The following TPR variants were observed in gnomAD, a reference collection of about 807,000 sequenced individuals.
The protein encoded by TPR is nucleoprotein TPR.
Under a neutral mutation model 316.1 loss-of-function variants are expected in TPR, and 51 were observed. That is an observed-to-expected ratio of 0.16 (90% CI 0.13 to 0.20). TPR has a LOEUF of 0.20. TPR is among the 10% of genes least tolerant of loss of function. The pLI is 1.00. For synonymous variants in TPR, 981 were observed against 914.7 expected (o/e 1.07, Z -1.31); for missense variants, 2,272 against 2,754.8 (o/e 0.82, Z 3.92).
chr1:186,359,329 C>T (rs1659114835), intron 12 of TPR, among the ~76,000 whole-genome samples: 1 of 151,890 alleles, frequency 6.6e-6, no homozygotes, highest in Non-Finnish European at 1.5e-5. Flanking sequence ...TGAGCAATAA[C>T]AAAATAATGC....
Position 186,326,247 on chromosome 1 carries a change from T to C in TPR, c.5890-12A>G. ...TCCTCTTCATAATCCTAGTAGAAAG[T>C]TCCCCAGGCATAAATAAAAGTTTAG... On this transcript the variant is annotated splice_polypyrimidine_tract_variant and intron_variant, in intron 40 of 50. Transcript: ENST00000367478. 4 of 1,599,446 alleles carry C rather than the reference T, an allele frequency of 2.5e-6. No individual in the cohort carries two copies. Among genetic ancestry groups the C allele is most frequent in the Non-Finnish European group, 3.4e-6 (4 of 1,172,760 alleles).
rs1658569025 is a variant in TPR at position 186,343,357 on chromosome 1, T to C, written c.3719A>G (p.Asp1240Gly). ...TTTCTCCCTTTCAGCATTTAGACTATCTTGCAGTTCCTGCAGCTCTCTTTC... is the reference window on the plus strand; with the variant it reads ...TTTCTCCCTTTCAGCATTTAGACTACCTTGCAGTTCCTGCAGCTCTCTTTC... Reference protein sequence around the residue: ...LLERELQELQDSLNAEREKVQ... With the variant: ...LLERELQELQGSLNAEREKVQ... The change falls in exon 27 of 51, where the codon GAT becomes GGT. Residue 1240 changes from aspartate to glycine, a missense_variant. By Grantham distance (94) the Asp-to-Gly change is moderately conservative. This residue lies in a region of TPR where 757 missense variants were observed against 859.8 expected (regional missense o/e 0.88). Transcript: ENST00000367478. 1 of 1,613,920 alleles carries C rather than the reference T, an allele frequency of 6.2e-7. No individual in the cohort carries two copies.
rs565804115 is a variant in TPR, at chr1:186,332,333, G to T, written c.5466C>A (p.Thr1822=). The T allele has an allele frequency of 6.2e-7, 1 of 1,611,450 alleles. No individual in the cohort carries two copies. Among genetic ancestry groups the T allele is most frequent in the Admixed American group, 1.7e-5 (1 of 59,706 alleles). Residue 1822 remains threonine, a synonymous_variant, in exon 38 of 51, where the codon ACC becomes ACA. Coordinates refer to ENST00000367478, the MANE Select transcript of TPR (RefSeq NM_003292.3). ...STAVFGTVSA[T]PSSSLPKRTR... ...TACGCTTTGGCAAAGAAGAACTGGG[G>T]GTAGCCGAAACTTTGAAATTATATA...
chr1:186,357,385 G>T lies in TPR; in HGVS notation c.1724+12C>A, dbSNP rs930104179. The T allele has an allele frequency of 1.9e-6, 3 of 1,612,156 alleles. No individual in the cohort carries two copies. The highest frequency in any genetic ancestry group is 3.3e-5 in the Admixed American group (2 of 59,874). Reference sequence around the variant, plus strand: ...ATGTTTGCTCAACAAGCTGAGGTATGTGACTACTTACTTGGATGAAGTTGT... The same window carrying T: ...ATGTTTGCTCAACAAGCTGAGGTATTTGACTACTTACTTGGATGAAGTTGT... On this transcript the variant is annotated intron_variant, in intron 14 of 50. Coordinates refer to ENST00000367478, the MANE Select transcript of TPR (RefSeq NM_003292.3).
chr1:186,348,542 A>G (rs1239376971), intron 21 of TPR, among the ~76,000 whole-genome samples: 1 of 151,968 alleles, frequency 6.6e-6, no homozygotes, highest in Non-Finnish European at 1.5e-5. Flanking sequence ...TTGCTCTTTG[A>G]AGCATGTGAT....
At chr1:186,374,325 T>G (rs1558046533) in intron 1 of TPR, among the ~76,000 whole-genome samples, 1 of 152,226 alleles carries the variant, frequency 6.6e-6, no homozygotes, top group Non-Finnish European at 1.5e-5. Context: ...AAACTCCAAC[T>G]TTTTAAGAGA....
rs1659670600 is a variant in TPR, at chr1:186,375,030, T to C, written c.-2A>G. On this transcript the variant is annotated 5_prime_UTR_variant, in exon 1 of 51. Transcript: ENST00000367478. ...GACTTGCTGCAACACCGCCGCCATG[T>C]CGGTGGGGCCAGGGACCCCAGTGGC... 1 of 1,613,906 alleles carries C rather than the reference T, an allele frequency of 6.2e-7. No homozygotes were observed. Among genetic ancestry groups the C allele is most frequent in the Non-Finnish European group, 8.5e-7 (1 of 1,180,032 alleles).
At chr1:186,322,282 TTAGTTA>T (rs1454015725) in intron 45 of TPR, 30 bp downstream of exon 45, 82 of 1,555,416 alleles carry the variant, frequency 5.3e-5, no homozygotes, top group Non-Finnish European at 7.1e-5. Flanking sequence ...AAAAGTTTGA[TTAGTTA>T]TAAAGTATGT....
At chr1:186,355,268 A>C in intron 17 of TPR, 142 bp downstream of exon 17, 3 of 882,704 alleles carry the variant, frequency 3.4e-6, no homozygotes, top group South Asian at 1.6e-5. Flanking sequence ...ATATGAAAAA[A>C]ATGAACTACC....
chr1:186,346,545 C>G (rs1204108242), intron 22 of TPR, among the ~76,000 whole-genome samples: 1 of 152,094 alleles, frequency 6.6e-6, no homozygotes, highest in Admixed American at 6.6e-5. Flanking sequence ...TCATTTCTCC[C>G]TCAATCCTCA....
At chr1:186,322,187 C>T (rs1458975999) in intron 45 of TPR, 131 bp downstream of exon 45, 7 of 814,836 alleles carry the variant, frequency 8.6e-6, no homozygotes, top group Non-Finnish European at 1.4e-5. Context: ...ACTGACCTAC[C>T]CCAAGTACTT....
chr1:186,345,181 A>T (rs1298659456), intron 24 of TPR, among the ~76,000 whole-genome samples: 3 of 149,592 alleles, frequency 2.0e-5, no homozygotes, highest in African/African-American at 7.3e-5. Flanking sequence ...GTATATAGAT[A>T]TCTGCGCAAA....
intron 26 of TPR, 28 bp from the exon 27 acceptor site, chr1:186,343,501 A>T: frequency 6.3e-6 from 10 of 1,587,810 alleles, no homozygotes; most frequent in Non-Finnish European, 8.5e-6. Context: ...TTAAAATTTT[A>T]TGTGAATTTT....
At chr1:186,332,378 A>T in intron 37 of TPR, 35 bp from the exon 38 acceptor site, 2 of 1,603,964 alleles carry the variant, frequency 1.2e-6, no homozygotes, top group Non-Finnish European at 1.7e-6. Context: ...TTAGAGCATG[A>T]TAATAACTCA....
chr1:186,364,437 C>A (rs1049937458), intron 4 of TPR, among the ~76,000 whole-genome samples: 2 of 152,004 alleles, frequency 1.3e-5, no homozygotes, highest in African/African-American at 4.8e-5. Context: ...TGCAGCTACG[C>A]CAGCAAGCAT....
intron 3 of TPR, among the ~76,000 whole-genome samples, chr1:186,368,231 A>G (rs986290501): frequency 6.6e-6 from 1 of 152,232 alleles, no homozygotes; most frequent in Non-Finnish European, 1.5e-5. Flanking sequence ...AAATGTCCTA[A>G]TAACTTAGAA....
intron 35 of TPR, among the ~76,000 whole-genome samples, 196 bp downstream of exon 35, chr1:186,334,872 G>A (rs1658291311): frequency 6.6e-6 from 1 of 152,062 alleles, no homozygotes; most frequent in East Asian, 1.9e-4. Flanking sequence ...CTGTCACAAA[G>A]CTTCATCTGA....
chr1:186,339,188 G>C (rs560066790), intron 30 of TPR, among the ~76,000 whole-genome samples: 89 of 152,202 alleles, frequency 5.8e-4, no homozygotes, highest in Non-Finnish European at 1.1e-3. Flanking sequence ...CCAGCACTTA[G>C]GGAGGCAGAA....
At chr1:186,330,739 C>T (rs185498073) in intron 39 of TPR, among the ~76,000 whole-genome samples, 3 of 152,182 alleles carry the variant, frequency 2.0e-5, no homozygotes, top group Non-Finnish European at 2.9e-5. Context: ...AAAATGATAT[C>T]ACTAATAAAG....
Sources: gnomAD v4.1 joint callset for allele counts (sites outside exome capture counted in the v4.1 genomes callset) on GRCh38, gnomAD v4.1.1 for gene constraint, gnomAD v4.1.1 regional missense constraint, MANE v1.5 for transcripts, NCBI Gene and HGNC (gene_info 2026-07-23, HGNC 2026-07-21) for gene names.